NCAM1: variants seen among roughly 807,000 people sequenced by gnomAD.
The protein encoded by NCAM1 is neural cell adhesion molecule 1, also known as antigen recognized by monoclonal antibody 5.1H11.
In NCAM1, 14 loss-of-function variants were observed where a neutral mutation model predicts 109.8. The observed-to-expected ratio is 0.13, with a 90% CI of 0.08 to 0.20. NCAM1 has a LOEUF of 0.20. NCAM1 is among the 10% of genes least tolerant of loss of function. The pLI is 1.00. For missense variants in NCAM1, 774 were observed against 1,109.9 expected (o/e 0.70, Z 4.30); for synonymous variants, 418 against 442.9 (o/e 0.94, Z 0.70).
intron 1 of NCAM1, among the ~76,000 whole-genome samples, chr11:113,189,375 A>G (rs1297097846): frequency 6.7e-6 from 1 of 150,212 alleles, no homozygotes. Flanking sequence ...ACTTGAACCC[A>G]GGAGGCAGAG....
At position 113,235,082 on chromosome 11, in the gene NCAM1, G is replaced by A. The variant is rs781945704; in HGVS notation, c.1743G>A (p.Thr581=). Residue 581 remains threonine (T), a synonymous_variant, in exon 14 of 20, where the codon ACG becomes ACA. Coordinates refer to ENST00000316851, the MANE Select transcript of NCAM1 (RefSeq NM_181351.5). ...TCGTGGGCCTGAAGCCCGAAACAAC[G>A]TACGCCGTAAGGCTGGCGGCGCTCA... The part of the protein sequence containing the change: ...VTIVGLKPET[T]YAVRLAALNG... The A allele has an allele frequency of 1.1e-5, 17 of 1,591,834 alleles. No homozygotes were observed. The highest frequency in any genetic ancestry group is 3.6e-5 in the Admixed American group (2 of 56,208).
intron 15 of NCAM1, among the ~76,000 whole-genome samples, chr11:113,250,027 C>A (rs1376696233): frequency 6.6e-6 from 1 of 152,160 alleles, no homozygotes; most frequent in Non-Finnish European, 1.5e-5. Flanking sequence ...TCCCGAGGCT[C>A]CCTGGAGCTA....
rs781979437 is a variant in NCAM1, at chr11:113,273,624, C to A, written c.2457-1643C>A. On this transcript the variant is annotated intron_variant, in intron 19 of 19. Coordinates refer to ENST00000316851, the MANE Select transcript of NCAM1 (RefSeq NM_181351.5). This position sits in a 1 kb window ranked among gnomAD's most constrained non-coding sequence, Gnocchi z 6.0. ...GAACTTCAAGACCCCAGATATTGAC[C>A]TTGCAAAGGATGTTTTTGCAGCCCT... is the stretch of plus-strand genomic sequence containing the variant. The A allele has an allele frequency of 2.2e-6, 1 of 454,508 alleles. No homozygotes were observed. Among genetic ancestry groups the A allele is most frequent in the South Asian group, 1.6e-5 (1 of 64,312 alleles). The allele number at this position is 454,508 out of a possible 1,614,324, so 28.2% of individuals were successfully genotyped here. A position where few individuals can be genotyped will look rare whatever the true frequency, so the allele number is the denominator to read the frequency against.
chr11:112,999,765 C>G (rs539311224), intron 1 of NCAM1, among the ~76,000 whole-genome samples: 7 of 152,270 alleles, frequency 4.6e-5, no homozygotes, highest in African/African-American at 1.7e-4. Flanking sequence ...CCTGTTACAA[C>G]AGCTGTGTCA....
intron 1 of NCAM1, among the ~76,000 whole-genome samples, chr11:113,150,552 C>T (rs186230391): frequency 7.9e-5 from 12 of 152,268 alleles, no homozygotes; most frequent in East Asian, 3.9e-4. Flanking sequence ...CCAATATAGG[C>T]GCTGGGAGGA....
intron 14 of NCAM1, among the ~76,000 whole-genome samples, chr11:113,241,337 G>T (rs1945319361): frequency 6.6e-6 from 1 of 152,156 alleles, no homozygotes. Context: ...GTAAATATTT[G>T]TGGGAAAATA....
At chr11:113,260,845 A>C (rs1015875642) in intron 17 of NCAM1, among the ~76,000 whole-genome samples, 9 of 152,184 alleles carry the variant, frequency 5.9e-5, no homozygotes, top group African/African-American at 2.2e-4. Flanking sequence ...CTCTCAATGG[A>C]AACAGATTAA....
chr11:113,106,285 T>A (rs1230104167), intron 1 of NCAM1, among the ~76,000 whole-genome samples: 7 of 152,216 alleles, frequency 4.6e-5, no homozygotes, highest in African/African-American at 1.7e-4. Flanking sequence ...TTTTTTTCTA[T>A]AACAACAAAC....
intron 1 of NCAM1, among the ~76,000 whole-genome samples, chr11:113,103,501 C>T (rs1417068810): frequency 1.3e-5 from 2 of 152,178 alleles, no homozygotes; most frequent in Non-Finnish European, 2.9e-5. Flanking sequence ...ACCCAGTCAA[C>T]TCTGTATGTG....
chr11:113,193,749 A>G (rs11214538), intron 1 of NCAM1, among the ~76,000 whole-genome samples: 67,018 of 152,014 alleles, frequency 0.44, 16,105 homozygotes, highest in African/African-American at 0.62. Context: ...CCTTTTGGGG[A>G]CTGGGAATTG....
intron 1 of NCAM1, among the ~76,000 whole-genome samples, chr11:113,085,964 A>G (rs562072344): frequency 6.6e-6 from 1 of 152,360 alleles, no homozygotes; most frequent in East Asian, 1.9e-4. Flanking sequence ...ATTCTCCCAC[A>G]ACATAGCAAA....
intron 1 of NCAM1, among the ~76,000 whole-genome samples, chr11:113,114,629 G>A (rs562625530): frequency 1.1e-3 from 170 of 152,294 alleles, no homozygotes; most frequent in Middle Eastern, 3.4e-3. Context: ...GCAGTGGGGT[G>A]GCATCCCTGC....
At position 113,243,746 on chromosome 11, in the gene NCAM1, A is replaced by AT. The variant is rs1166168469; in HGVS notation, c.1826-2622_1826-2621insT. On this transcript the variant is annotated intron_variant, in intron 14 of 19. Coordinates refer to ENST00000316851, the MANE Select transcript of NCAM1 (RefSeq NM_181351.5). ...TAATATTTCTGCTTGCACAGAAAAA[A>AT]AATGGCATACATCCCATCAAGCAGA... 181 of 312,862 alleles carry AT rather than the reference A, an allele frequency of 5.8e-4. 1 individual carries two copies. The highest frequency in any genetic ancestry group is 1.0e-3 in the Non-Finnish European group (154 of 148,998). 19.4% of individuals were successfully genotyped at this position (312,862 alleles called of 1,614,324 possible).
In NCAM1 at chr11:113,076,808, C is replaced by T. The variant is rs536096248; in HGVS notation, c.52+115144C>T. Among the ~76,000 whole-genome samples the T allele has an allele frequency of 1.2e-4, 19 of 152,212 alleles. No individual in the cohort carries two copies. The South Asian group carries it at 1.9e-3, about 15-fold the overall frequency. On this transcript the variant is annotated intron_variant, in intron 1 of 19. Transcript: ENST00000316851. ...TACCTTTTGCTGCATCATGTTCAGC[C>T]CACTTTATTATATATTTGCATTTAA...
At chr11:113,073,889 G>A (rs552713993) in intron 1 of NCAM1, among the ~76,000 whole-genome samples, 2 of 152,176 alleles carry the variant, frequency 1.3e-5, no homozygotes, top group South Asian at 4.2e-4. Flanking sequence ...TGTAATTCTA[G>A]TCTTGAAAAT....
intron 1 of NCAM1, among the ~76,000 whole-genome samples, chr11:113,152,998 G>A (rs1555102745): frequency 6.6e-6 from 1 of 152,048 alleles, no homozygotes; most frequent in African/African-American, 2.4e-5. Flanking sequence ...TCAATTGCTG[G>A]TAGTTCAGGT....
At chr11:113,176,466 T>C (rs1222486062) in intron 1 of NCAM1, among the ~76,000 whole-genome samples, 2 of 152,212 alleles carry the variant, frequency 1.3e-5, no homozygotes, top group African/African-American at 4.8e-5. Flanking sequence ...CATCCACAGT[T>C]GATTGAATTG....
intron 7 of NCAM1, 134 bp downstream of exon 7, chr11:113,208,136 ACCTAGTCCAAGC>A (rs577917203): frequency 1.1e-5 from 12 of 1,068,168 alleles, no homozygotes; most frequent in East Asian, 7.8e-5. Flanking sequence ...CAGTTCCACC[ACCTAGTCCAAGC>A]CCTAGTCCAA....
intron 1 of NCAM1, among the ~76,000 whole-genome samples, chr11:113,114,871 G>A (rs1488806455): frequency 6.6e-6 from 1 of 152,110 alleles, no homozygotes; most frequent in Non-Finnish European, 1.5e-5. Flanking sequence ...TATCTGAAGT[G>A]CAAATACCAG....
Sources: gnomAD v4.1 joint callset for allele counts (sites outside exome capture counted in the v4.1 genomes callset) on GRCh38, gnomAD v4.1.1 for gene constraint, Gnocchi (gnomAD v3.1) non-coding constraint, MANE v1.5 for transcripts, NCBI Gene and HGNC (gene_info 2026-07-23, HGNC 2026-07-21) for gene names.